PEX5L: variants seen among roughly 807,000 people sequenced by gnomAD.
PEX5L encodes the protein PEX5-related protein.
A neutral mutation model predicts 84.0 loss-of-function variants in PEX5L; 30 were observed. The ratio of observed to expected loss-of-function variants is 0.36; its 90% CI spans 0.27 to 0.48. The LOEUF (loss-of-function observed/expected upper bound fraction) is 0.48, where lower values mean the gene tolerates loss of function less well. Among genes scored for constraint, PEX5L ranks in the 20% least tolerant of loss-of-function variants. The pLI is 0.99. For synonymous variants in PEX5L, 270 were observed against 283.1 expected (o/e 0.95, Z 0.46); for missense variants, 533 against 754.6 (o/e 0.71, Z 3.44).
At position 180,036,928 on chromosome 3, in the gene PEX5L, C is replaced by T. The variant is rs1791957266; in HGVS notation, c.-329G>A. On this transcript the variant is annotated 5_prime_UTR_variant, in exon 1 of 15. Transcript: ENST00000467460. ...TCACTCCTTCTTCGCCGAACTCTTT[C>T]TCGCTTCCTGCCAGGTTGCCTCATG... is the stretch of plus-strand genomic sequence containing the variant. 5.4e-6 allele frequency: 2 copies of T among 371,548 alleles called. No homozygotes were observed. The highest frequency in any genetic ancestry group is 7.1e-5 in the Admixed American group (2 of 28,324). 23.0% of individuals were successfully genotyped at this position (371,548 alleles called of 1,614,324 possible).
intron 8 of PEX5L, among the ~76,000 whole-genome samples, chr3:179,827,360 C>T (rs1413579100): frequency 6.6e-6 from 1 of 152,142 alleles, no homozygotes; most frequent in Non-Finnish European, 1.5e-5. Flanking sequence ...GGAGGTGTTC[C>T]AGCCATCAGT....
chr3:179,863,529 T>C (rs1577750796), intron 7 of PEX5L, among the ~76,000 whole-genome samples: 1 of 152,212 alleles, frequency 6.6e-6, no homozygotes, highest in Non-Finnish European at 1.5e-5. Flanking sequence ...AGGACCTGAA[T>C]GGACATTTCT....
At chr3:179,914,677 TCTC>T (rs1766396388) in intron 2 of PEX5L, among the ~76,000 whole-genome samples, 1 of 152,186 alleles carries the variant, frequency 6.6e-6, no homozygotes, top group South Asian at 2.1e-4. Context: ...GATAAAACCA[TCTC>T]CTTCCCAAAC....
intron 8 of PEX5L, among the ~76,000 whole-genome samples, chr3:179,834,387 G>A (rs1734223778): frequency 6.6e-6 from 1 of 152,212 alleles, no homozygotes; most frequent in African/African-American, 2.4e-5. Context: ...GAATCTCTGA[G>A]GGACCCACAG....
chr3:179,820,402 C>T (rs749182415), intron 8 of PEX5L: 48 of 167,278 alleles, frequency 2.9e-4, no homozygotes, highest in Non-Finnish European at 4.7e-4. Flanking sequence ...GAGAATGAAA[C>T]ATTAGTTGAT....
At chr3:179,815,253 A>G (rs1200769245) in intron 10 of PEX5L, among the ~76,000 whole-genome samples, 1 of 152,230 alleles carries the variant, frequency 6.6e-6, no homozygotes, top group African/African-American at 2.4e-5. Context: ...AGACATCACT[A>G]TATACTGTCC....
chr3:179,890,316 T>A (rs867559364), intron 3 of PEX5L, among the ~76,000 whole-genome samples: 2 of 152,218 alleles, frequency 1.3e-5, no homozygotes, highest in Admixed American at 1.3e-4. Context: ...CCTATACGCA[T>A]AGAAATTATT....
At chr3:179,847,268 T>C (rs1352203739) in intron 8 of PEX5L, among the ~76,000 whole-genome samples, 2 of 152,024 alleles carry the variant, frequency 1.3e-5, no homozygotes, top group Non-Finnish European at 2.9e-5. Context: ...AACTGTATAT[T>C]GATTGATATA....
At chr3:179,819,694 T>A (rs774021854) in intron 9 of PEX5L, among the ~76,000 whole-genome samples, 166 bp downstream of exon 9, 23 of 152,252 alleles carry the variant, frequency 1.5e-4, no homozygotes, top group Non-Finnish European at 2.8e-4. Context: ...ACACGTTGGA[T>A]AATTACGTTG....
chr3:179,873,048 T>C (rs1232879309), intron 7 of PEX5L, among the ~76,000 whole-genome samples: 1 of 152,190 alleles, frequency 6.6e-6, no homozygotes, highest in Non-Finnish European at 1.5e-5. Context: ...CAGGTGTTTG[T>C]AGGGGGCGCT....
At chr3:179,841,168 G>A (rs558809195) in intron 8 of PEX5L, among the ~76,000 whole-genome samples, 2 of 152,144 alleles carry the variant, frequency 1.3e-5, no homozygotes, top group Non-Finnish European at 2.9e-5. Flanking sequence ...GTCTGCTGAC[G>A]AAAGCTTGAA....
chr3:179,874,832 A>T (rs1751799135), intron 6 of PEX5L, among the ~76,000 whole-genome samples: 1 of 133,594 alleles, frequency 7.5e-6, no homozygotes, highest in South Asian at 2.5e-4. Context: ...TTGCAATGTC[A>T]TGATAAGTGG....
intron 1 of PEX5L, chr3:179,973,310 A>G: frequency 7.9e-7 from 1 of 1,262,178 alleles, no homozygotes; most frequent in Non-Finnish European, 1.0e-6. Flanking sequence ...TGACCAGAGA[A>G]CCACAGATCT....
intron 10 of PEX5L, 97 bp from the exon 11 acceptor site, chr3:179,811,968 G>T: frequency 1.1e-6 from 1 of 911,788 alleles, no homozygotes; most frequent in Non-Finnish European, 1.8e-6. Context: ...CCTATGCAGA[G>T]CAAGCTGTCT....
intron 2 of PEX5L, 71 bp from the exon 3 acceptor site, chr3:179,898,317 T>A: frequency 8.9e-7 from 1 of 1,123,380 alleles, no homozygotes; most frequent in Non-Finnish European, 1.3e-6. Flanking sequence ...CAAGATATTC[T>A]AATGTTTAAA....
chr3:179,847,489 C>A (rs1739994597), intron 8 of PEX5L, among the ~76,000 whole-genome samples: 1 of 151,946 alleles, frequency 6.6e-6, no homozygotes, highest in Non-Finnish European at 1.5e-5. Context: ...GCTATATACC[C>A]AGCATATTAA....
At chr3:179,855,145 G>C (rs1396046405) in intron 8 of PEX5L, among the ~76,000 whole-genome samples, 1 of 152,178 alleles carries the variant, frequency 6.6e-6, no homozygotes, top group African/African-American at 2.4e-5. Flanking sequence ...GCTCAGTAAG[G>C]GGACTGAGAA....
intron 2 of PEX5L, among the ~76,000 whole-genome samples, chr3:179,918,557 C>A (rs1446142690): frequency 6.6e-6 from 1 of 152,178 alleles, no homozygotes; most frequent in East Asian, 1.9e-4. Context: ...ACCAAGGGGG[C>A]AAAAAGCCTA....
chr3:179,856,341 C>A (rs1743932246), intron 8 of PEX5L, among the ~76,000 whole-genome samples: 2 of 152,290 alleles, frequency 1.3e-5, no homozygotes, highest in South Asian at 4.1e-4. Flanking sequence ...TATTGCTAGA[C>A]ATTTTTAATA....
Sources: allele counts gnomAD v4.1 joint callset (sites outside exome capture counted in the v4.1 genomes callset), GRCh38; gene constraint gnomAD v4.1.1; transcripts MANE v1.5; gene names NCBI Gene and HGNC (gene_info 2026-07-23, HGNC 2026-07-21).